Variants in TRPC6 observed in about 807,000 individuals in gnomAD.
TRPC6 encodes the protein transient receptor potential cation channel subfamily C member 6.
In TRPC6, 55 loss-of-function variants were observed where a neutral mutation model predicts 90.7. The observed-to-expected ratio is 0.61, with a 90% CI of 0.49 to 0.76. The LOEUF (loss-of-function observed/expected upper bound fraction) is 0.76, where lower values mean the gene tolerates loss of function less well. Among genes scored for constraint, TRPC6 ranks in the 30% least tolerant of loss-of-function variants. TRPC6 has a pLI of 0.00. For missense variants in TRPC6, 989 were observed against 1,122.7 expected (o/e 0.88, Z 1.70); for synonymous variants, 393 against 393.0 (o/e 1.00, Z 0.00).
intron 4 of TRPC6, among the ~76,000 whole-genome samples, chr11:101,486,390 T>C (rs964311955): frequency 1.3e-5 from 2 of 152,122 alleles, no homozygotes; most frequent in Middle Eastern, 3.2e-3. Context: ...GGAAAATTAC[T>C]GAGGGTAAGC....
At position 101,504,441 on chromosome 11, in the gene TRPC6, A is replaced by T. The variant is rs1449640039; in HGVS notation, c.528T>A (p.Ile176=). The T allele has an allele frequency of 6.2e-7, 1 of 1,614,106 alleles. No homozygotes were observed. The highest frequency in any genetic ancestry group is 8.5e-7 in the Non-Finnish European group (1 of 1,180,012). Reference sequence around the variant, plus strand: ...CCGGATGACTGAGAATTGCTTCCACAATCCGAACATAACCTTTACTAATAG... The same window carrying T: ...CCGGATGACTGAGAATTGCTTCCACTATCCGAACATAACCTTTACTAATAG... ...LLAISKGYVR[I]VEAILSHPAF... Residue 176 remains isoleucine (I), a synonymous_variant, in exon 2 of 13, where the codon ATT becomes ATA. Transcript: ENST00000344327.
At chr11:101,531,678 T>C (rs1252406892) in intron 1 of TRPC6, among the ~76,000 whole-genome samples, 3 of 152,230 alleles carry the variant, frequency 2.0e-5, no homozygotes, top group Admixed American at 2.0e-4. Context: ...TTTTACTGCC[T>C]ACCATATTTT....
intron 1 of TRPC6, among the ~76,000 whole-genome samples, chr11:101,523,823 T>G (rs896893750): frequency 2.6e-5 from 4 of 152,234 alleles, no homozygotes; most frequent in Non-Finnish European, 5.9e-5. Flanking sequence ...GAAACAAGGT[T>G]GTTTTAAAAT....
At position 101,489,026 on chromosome 11, in the gene TRPC6, T is replaced by C. The variant is rs757851674; in HGVS notation, c.1204A>G (p.Thr402Ala). The C allele has an allele frequency of 6.2e-7, 1 of 1,614,198 alleles. No homozygotes were observed. The highest frequency in any genetic ancestry group is 1.7e-5 in the Admixed American group (1 of 60,024). ...ACCACAAGGAACTTGACCGCCATTG[T>C]CTGCTGTCGTAAACCAGAAAGATTC... ...YENLSGLRQQ[T>A]MAVKFLVVLA... The change falls in exon 4 of 13, where the codon ACA becomes GCA. Residue 402 changes from threonine (T) to alanine (A), a missense_variant. By Grantham distance (58) the Thr-to-Ala change is moderately conservative. This residue lies in a region of TRPC6 where 486 missense variants were observed against 591.9 expected (regional missense o/e 0.82). Transcript: ENST00000344327.
At chr11:101,520,077 A>G (rs1160859266) in intron 1 of TRPC6, among the ~76,000 whole-genome samples, 3 of 151,896 alleles carry the variant, frequency 2.0e-5, no homozygotes, top group African/African-American at 7.3e-5. Flanking sequence ...TATGGTTTGG[A>G]TTTGTGTCCC....
chr11:101,579,797 C>T (rs1862152787), intron 1 of TRPC6, among the ~76,000 whole-genome samples: 1 of 152,104 alleles, frequency 6.6e-6, no homozygotes, highest in African/African-American at 2.4e-5. Flanking sequence ...ATGCAGGGCA[C>T]AGGGGTATCT....
At chr11:101,563,858 C>T (rs940862921) in intron 1 of TRPC6, among the ~76,000 whole-genome samples, 2 of 152,168 alleles carry the variant, frequency 1.3e-5, no homozygotes, top group African/African-American at 4.8e-5. Flanking sequence ...CAGCTAGTTT[C>T]ATATTAAGTA....
At position 101,546,050 on chromosome 11, in the gene TRPC6, C is replaced by CTTTTTTTTTTT. The variant is rs1166182552; in HGVS notation, c.170+37273_170+37283dup. Among the ~76,000 whole-genome samples, 92 of 29,724 alleles carry CTTTTTTTTTTT rather than the reference C, an allele frequency of 3.1e-3. 29 individuals are homozygous for CTTTTTTTTTTT. The highest frequency in any genetic ancestry group is 4.0e-3 in the Admixed American group (7 of 1,760). 19.5% of individuals were successfully genotyped at this position (29,724 alleles called of 152,430 possible). A position where few individuals can be genotyped will look rare whatever the true frequency, so the allele number is the denominator to read the frequency against. On this transcript the variant is annotated intron_variant, in intron 1 of 12. Coordinates refer to ENST00000344327, the MANE Select transcript of TRPC6 (RefSeq NM_004621.6). ...TGGATCTAGTATCACATTTATAACTCTTTTTTTTTTTTTTTTTTTTTTTTT... is the reference window on the plus strand; with the variant it reads ...TGGATCTAGTATCACATTTATAACTCTTTTTTTTTTTTTTTTTTTTTTTTTTTTTTTTTTTT...
chr11:101,501,702 T>C (rs1860130045), intron 2 of TRPC6, among the ~76,000 whole-genome samples: 1 of 152,134 alleles, frequency 6.6e-6, no homozygotes, highest in Non-Finnish European at 1.5e-5. Context: ...GCTTGATACC[T>C]GGCAAGGAAG....
intron 1 of TRPC6, among the ~76,000 whole-genome samples, chr11:101,580,978 G>A (rs932458595): frequency 5.3e-5 from 8 of 152,110 alleles, no homozygotes; most frequent in Non-Finnish European, 1.0e-4. Context: ...TTTTCTGTTA[G>A]TTGATTATTC....
At chr11:101,560,900 C>G (rs1045500992) in intron 1 of TRPC6, among the ~76,000 whole-genome samples, 1 of 152,062 alleles carries the variant, frequency 6.6e-6, no homozygotes, top group Non-Finnish European at 1.5e-5. Context: ...TGAGGGAAGG[C>G]AGAAGTCAGA....
chr11:101,505,076 A>G (rs999105081), intron 1 of TRPC6, among the ~76,000 whole-genome samples: 1 of 152,226 alleles, frequency 6.6e-6, no homozygotes, highest in Non-Finnish European at 1.5e-5. Context: ...ATAGAAACTA[A>G]TGTACTATAT....
Position 101,473,782 on chromosome 11 carries a change from A to C in TRPC6, c.1745-9T>G, listed in dbSNP as rs778108776. ...GTCCCACTTTATCCTGGCTAGGAAA[A>C]AGCAAAGACAAAGAGTTGTGTGAGT... is the stretch of plus-strand genomic sequence containing the variant. On this transcript the variant is annotated splice_polypyrimidine_tract_variant and intron_variant, in intron 6 of 12. Coordinates refer to ENST00000344327, the MANE Select transcript of TRPC6 (RefSeq NM_004621.6). 24 of 1,613,380 alleles carry C rather than the reference A, an allele frequency of 1.5e-5. No individual in the cohort carries two copies. The African/African-American group carries it at 2.9e-4, about 20-fold the overall frequency.
chr11:101,454,985 A>C (rs1858849941), intron 11 of TRPC6, 33 bp downstream of exon 11: 1 of 1,533,086 alleles, frequency 6.5e-7, no homozygotes, highest in African/African-American at 1.4e-5. Flanking sequence ...ATTACAAGTA[A>C]CTAGTTTTAT....
intron 10 of TRPC6, among the ~76,000 whole-genome samples, chr11:101,461,411 A>C (rs1033507071): frequency 2.6e-5 from 4 of 152,050 alleles, no homozygotes; most frequent in African/African-American, 9.7e-5. Flanking sequence ...TCTCTACAGA[A>C]AATACTAAAA....
chr11:101,479,158 G>A (rs1245041020), intron 5 of TRPC6, among the ~76,000 whole-genome samples: 1 of 152,184 alleles, frequency 6.6e-6, no homozygotes, highest in Non-Finnish European at 1.5e-5. Flanking sequence ...TGCTGTGCTT[G>A]AAACGCTCCT....
At chr11:101,472,400 A>ATT in intron 7 of TRPC6, 68 bp from the exon 8 acceptor site, 1 of 1,472,100 alleles carries the variant, frequency 6.8e-7, no homozygotes, top group Non-Finnish European at 9.2e-7. Context: ...TTACCATAAT[A>ATT]AAAGTGAGTT....
intron 1 of TRPC6, among the ~76,000 whole-genome samples, chr11:101,562,359 C>T (rs1302911273): frequency 6.6e-6 from 1 of 152,112 alleles, no homozygotes; most frequent in Admixed American, 6.6e-5. Context: ...CTATTTAGTA[C>T]CTGTGAATTT....
intron 1 of TRPC6, among the ~76,000 whole-genome samples, chr11:101,538,341 T>G (rs1382466726): frequency 6.6e-6 from 1 of 152,218 alleles, no homozygotes; most frequent in African/African-American, 2.4e-5. Context: ...TTTGAATTTT[T>G]AGGAGGTACA....
Sources: gnomAD v4.1 joint callset for allele counts (sites outside exome capture counted in the v4.1 genomes callset) on GRCh38, gnomAD v4.1.1 for gene constraint, gnomAD v4.1.1 regional missense constraint, MANE v1.5 for transcripts, NCBI Gene and HGNC (gene_info 2026-07-23, HGNC 2026-07-21) for gene names.